DDHD2: variants seen among roughly 807,000 people sequenced by gnomAD.
DDHD2 encodes the protein DDHD domain containing 2.
A neutral mutation model predicts 91.2 loss-of-function variants in DDHD2; 62 were observed. The observed-to-expected ratio is 0.68, with a 90% CI of 0.55 to 0.84. DDHD2 has a LOEUF of 0.84. Among genes scored for constraint, DDHD2 ranks in the 40% least tolerant of loss-of-function variants. DDHD2 has a pLI of 0.00. For synonymous variants in DDHD2, 271 were observed against 293.9 expected, an observed-to-expected ratio of 0.92 and a Z score of 0.80; for missense variants, 740 against 846.9, an observed-to-expected ratio of 0.87 and a Z score of 1.57.
At chr8:38,268,993 AGAG>A in intron 1 of DDHD2, 1 of 1,579,330 alleles carries the variant, frequency 6.3e-7, no homozygotes, top group Non-Finnish European at 8.6e-7. Flanking sequence ...CCGTCACCCT[AGAG>A]GGGAACAAAG....
At chr8:38,268,615 C>T in intron 1 of DDHD2, 2 of 1,442,606 alleles carry the variant, frequency 1.4e-6, no homozygotes, top group African/African-American at 2.9e-5. Flanking sequence ...CACCAGTGAA[C>T]AGCAGCGCCC....
chr8:38,255,018 C>T (rs559906389), intron 16 of DDHD2, among the ~76,000 whole-genome samples: 6 of 152,082 alleles, frequency 3.9e-5, no homozygotes, highest in South Asian at 4.2e-4. Flanking sequence ...GCCAACATGG[C>T]GAAATCCTGT....
chr8:38,272,042 A>C (rs1025162010), downstream of DDHD2: 1 of 152,244 alleles, frequency 6.6e-6, no homozygotes, highest in Admixed American at 6.5e-5. Flanking sequence ...CAAAAAGGAA[A>C]TTCCACTTCA....
rs1463268146 is a variant in DDHD2 at position 38,233,009 on chromosome 8, G to A, written c.15G>A (p.Gln5=). ...TAGAGAGCGAAATGTCATCAGTGCAGTCACAACAGGAGCAGTTGTCCCAGT... is the reference window on the plus strand; with the variant it reads ...TAGAGAGCGAAATGTCATCAGTGCAATCACAACAGGAGCAGTTGTCCCAGT... MSSV[Q]SQQEQLSQSD... The change falls in exon 2 of 18, where the codon CAG becomes CAA. Residue 5 remains glutamine, a synonymous_variant. Coordinates refer to ENST00000397166, the MANE Select transcript of DDHD2 (RefSeq NM_015214.3). 7 of 1,614,138 alleles carry A rather than the reference G, an allele frequency of 4.3e-6. No homozygotes were observed. The highest frequency in any genetic ancestry group is 5.9e-6 in the Non-Finnish European group (7 of 1,180,020).
chr8:38,240,444 C>A, intron 6 of DDHD2, 80 bp downstream of exon 6: 2 of 1,037,200 alleles, frequency 1.9e-6, no homozygotes, highest in Non-Finnish European at 2.9e-6. Flanking sequence ...GGTCTATTGT[C>A]TTAGCTGCAT....
At chr8:38,264,798 G>C (rs1585794612), downstream of DDHD2, 2 of 1,521,726 alleles carry the variant, frequency 1.3e-6, no homozygotes, top group Non-Finnish European at 1.8e-6. Flanking sequence ...ATCATTGTCA[G>C]GTTGCTTTCT....
chr8:38,260,328 T>G, intron 17 of DDHD2, 181 bp downstream of exon 17: 2 of 463,940 alleles, frequency 4.3e-6, no homozygotes. Flanking sequence ...AGTAGCCCAT[T>G]TAGAGGAAGA....
chr8:38,269,756 T>C (rs1337058113), intron 1 of DDHD2: 2 of 152,558 alleles, frequency 1.3e-5, no homozygotes, highest in African/African-American at 2.4e-5. Context: ...AAATCTGAAA[T>C]CAGTGGAATG....
In DDHD2 at chr8:38,261,913, T is replaced by G. The variant is rs1585783094; in HGVS notation, c.*1340T>G. ...AGTGGCAAAGGCAGGCGAGCTGTGG[T>G]TTATTGTTTATAAATTTTTTTATAA... On this transcript the variant is annotated 3_prime_UTR_variant, in exon 18 of 18. Transcript: ENST00000397166. 2 of 152,172 alleles carry G rather than the reference T, an allele frequency of 1.3e-5. No individual in the cohort carries two copies. The highest frequency in any genetic ancestry group is 1.5e-5 in the Non-Finnish European group (1 of 68,038). 9.4% of individuals were successfully genotyped at this position (152,172 alleles called of 1,614,324 possible).
At chr8:38,238,707 A>G (rs1332753246) in intron 5 of DDHD2, 2 of 959,706 alleles carry the variant, frequency 2.1e-6, no homozygotes, top group Non-Finnish European at 2.5e-6. Context: ...TAAAAAGATG[A>G]GTTTAAAATT....
chr8:38,268,211 A>AC, intron 1 of DDHD2: 1 of 1,067,340 alleles, frequency 9.4e-7, no homozygotes, highest in Non-Finnish European at 1.3e-6. Flanking sequence ...AGCCTGCGTA[A>AC]CCAAGTCCCT....
Position 38,246,295 on chromosome 8 carries a change from G to C in DDHD2, c.1120G>C (p.Glu374Gln). The change falls in exon 9 of 18, where the codon GAA becomes CAA. Residue 374 changes from glutamate to glutamine, a missense_variant. Around this residue, in one of 2 missense-constraint regions of DDHD2, gnomAD observed 693 missense variants for 764.2 expected, o/e 0.91. Transcript: ENST00000397166. ...QKDSLGDIDSEKDSLNIVMDQ... is the reference protein window; with the variant it reads ...QKDSLGDIDSQKDSLNIVMDQ... ...AGATTCTTTGGGGGATATTGACAGTGAAAAGGTAATTTAGATGTTCAGCTA... is the reference window on the plus strand; with the variant it reads ...AGATTCTTTGGGGGATATTGACAGTCAAAAGGTAATTTAGATGTTCAGCTA... 1 of 1,605,702 alleles carries C rather than the reference G, an allele frequency of 6.2e-7. No homozygotes were observed. The highest frequency in any genetic ancestry group is 1.1e-5 in the South Asian group (1 of 90,238).
chr8:38,234,721 C>T (rs1162443765), intron 3 of DDHD2, 137 bp downstream of exon 3: 4 of 658,202 alleles, frequency 6.1e-6, no homozygotes, highest in Admixed American at 3.8e-5. Flanking sequence ...CATAATAAAG[C>T]ATTTCTATTT....
At chr8:38,236,618 C>T (rs866099036) in intron 3 of DDHD2, among the ~76,000 whole-genome samples, 105 of 151,980 alleles carry the variant, frequency 6.9e-4, no homozygotes, top group African/African-American at 2.3e-3. Context: ...TGGGTTCAAG[C>T]GATTCTCCTG....
chr8:38,236,592 C>G (rs1000820166), intron 3 of DDHD2, among the ~76,000 whole-genome samples: 1 of 150,944 alleles, frequency 6.6e-6, no homozygotes, highest in African/African-American at 2.4e-5. Flanking sequence ...CTCAGCTCAC[C>G]GCAACCTCTG....
intron 16 of DDHD2, among the ~76,000 whole-genome samples, chr8:38,257,333 CTG>C (rs1806598028): frequency 7.0e-6 from 1 of 142,748 alleles, no homozygotes; most frequent in Admixed American, 7.6e-5. Flanking sequence ...ACTGCAACCT[CTG>C]CCTCCCAGGT....
At position 38,253,716 on chromosome 8, in the gene DDHD2, C is replaced by T. The variant is rs1356942852; in HGVS notation, c.2052C>T (p.Tyr684=). The part of the protein sequence containing the change: ...YLFALQSHLC[Y]WESEDTVLLV... Reference sequence around the variant, plus strand: ...TTGCTTTACAAAGCCATCTATGCTACTGGTAAATGTTGTTTATTTTTGTCT... The same window carrying T: ...TTGCTTTACAAAGCCATCTATGCTATTGGTAAATGTTGTTTATTTTTGTCT... Residue 684 remains tyrosine, a splice_region_variant and synonymous_variant, in exon 16 of 18, where the codon TAC becomes TAT. Coordinates refer to ENST00000397166, the MANE Select transcript of DDHD2 (RefSeq NM_015214.3). 2 of 1,612,850 alleles carry T rather than the reference C, an allele frequency of 1.2e-6. No homozygotes were observed. The highest frequency in any genetic ancestry group is 3.3e-5 in the Admixed American group (2 of 59,776).
At chr8:38,253,830 A>C in intron 16 of DDHD2, 112 bp downstream of exon 16, 1 of 1,148,462 alleles carries the variant, frequency 8.7e-7, no homozygotes, top group Non-Finnish European at 1.2e-6. Context: ...TTATAATCTC[A>C]GCACTTTGGG....
intron 6 of DDHD2, among the ~76,000 whole-genome samples, chr8:38,241,065 CAAAAAAAA>C (rs1176378276): frequency 2.0e-5 from 1 of 50,538 alleles, no homozygotes; most frequent in African/African-American, 7.3e-5. Context: ...AGTGAGACCT[CAAAAAAAA>C]AAAAAAAAAA....
Sources: gnomAD v4.1 joint callset for allele counts (sites outside exome capture counted in the v4.1 genomes callset) on GRCh38, gnomAD v4.1.1 for gene constraint, gnomAD v4.1.1 regional missense constraint, MANE v1.5 for transcripts, NCBI Gene and HGNC (gene_info 2026-07-23, HGNC 2026-07-21) for gene names.